Variants in TARS3 observed in about 807,000 individuals in gnomAD.
TARS3 encodes the protein threonyl-tRNA synthetase 3.
TARS3 carries 94 observed loss-of-function variants against 103.5 expected under a neutral mutation model. That is an observed-to-expected ratio of 0.91 (90% CI 0.77 to 1.08). The LOEUF is 1.08. Among genes scored for constraint, TARS3 ranks in the 50% least tolerant of loss-of-function variants. TARS3 has a pLI of 0.00. For missense variants in TARS3, 952 were observed against 995.2 expected (o/e 0.96, Z 0.58); for synonymous variants, 416 against 355.4 (o/e 1.17, Z -1.92).
chr15:101,658,719 T>A (rs1489756298), intron 16 of TARS3, among the ~76,000 whole-genome samples: 1 of 152,240 alleles, frequency 6.6e-6, no homozygotes, highest in Non-Finnish European at 1.5e-5. Context: ...TTCTTGGCTG[T>A]GATATTGTAT....
rs188059422 is a variant in TARS3, at chr15:101,655,085, G to A, written c.2261-355C>T. Among the ~76,000 whole-genome samples the A allele has an allele frequency of 1.2e-4, 18 of 150,152 alleles. No individual in the cohort carries two copies. In the East Asian group the frequency reaches 1.6e-3, roughly 13 times the overall value. On this transcript the variant is annotated intron_variant, in intron 18 of 18. Coordinates refer to ENST00000335968, the MANE Select transcript of TARS3 (RefSeq NM_152334.3). ...CTGGCACTAGGGCGCAAATGAGAGCGGGGAGCTCTTACAGGCTCACACTGA... is the reference window on the plus strand; with the variant it reads ...CTGGCACTAGGGCGCAAATGAGAGCAGGGAGCTCTTACAGGCTCACACTGA...
intron 10 of TARS3, among the ~76,000 whole-genome samples, chr15:101,689,108 C>A (rs1277420361): frequency 6.6e-6 from 1 of 152,168 alleles, no homozygotes; most frequent in Non-Finnish European, 1.5e-5. Context: ...TACTATAGAA[C>A]TGATAGACAG....
At chr15:101,659,123 T>A (rs138897707) in intron 16 of TARS3, among the ~76,000 whole-genome samples, 1,990 of 152,284 alleles carry the variant, frequency 0.013, 38 homozygotes, top group African/African-American at 0.045. Flanking sequence ...CATGCGAACC[T>A]ACAATTATTT....
At chr15:101,680,689 A>G (rs1274954263) in intron 12 of TARS3, among the ~76,000 whole-genome samples, 1 of 152,180 alleles carries the variant, frequency 6.6e-6, no homozygotes, top group Non-Finnish European at 1.5e-5. Flanking sequence ...TTTGTTAAGT[A>G]TTCTGGATTC....
intron 12 of TARS3, 105 bp from the exon 13 acceptor site, chr15:101,675,842 G>T: frequency 8.0e-7 from 1 of 1,249,132 alleles, no homozygotes; most frequent in Admixed American, 2.4e-5. Context: ...GTTTTTAATG[G>T]AGTACAGTTG....
Position 101,654,513 on chromosome 15 carries a change from CAT to C in TARS3, c.*67_*68del. On this transcript the variant is annotated 3_prime_UTR_variant, in exon 19 of 19. Coordinates refer to ENST00000335968, the MANE Select transcript of TARS3 (RefSeq NM_152334.3). ...GGCTCCAAAGTCGTAGAAGTACTAA[CAT>C]GTTAAGAAAAATACATTTTTAAGGG... 6.4e-7 allele frequency: 1 copy of C among 1,553,464 alleles called. No individual in the cohort carries two copies. The highest frequency in any genetic ancestry group is 1.4e-5 in the African/African-American group (1 of 72,242).
At chr15:101,701,064 A>C (rs764493028) in intron 10 of TARS3, 22 bp downstream of exon 10, 1 of 1,431,666 alleles carries the variant, frequency 7.0e-7, no homozygotes, top group African/African-American at 1.4e-5. Flanking sequence ...AATAAGAATA[A>C]AACATTTTAA....
Position 101,695,062 on chromosome 15 carries a change from A to G in TARS3, c.1320+6024T>C, listed in dbSNP as rs1238438865. Among the ~76,000 whole-genome samples, 4 of 152,264 alleles carry G rather than the reference A, an allele frequency of 2.6e-5. No individual in the cohort carries two copies. In the South Asian group the frequency reaches 8.3e-4, roughly 31 times the overall value. On this transcript the variant is annotated intron_variant, in intron 10 of 18. Transcript: ENST00000335968. ...GTGAGAATGAATTGCATACTTAAAAATAGTTAAAATGGTAAATTTTTATAT... is the reference window on the plus strand; with the variant it reads ...GTGAGAATGAATTGCATACTTAAAAGTAGTTAAAATGGTAAATTTTTATAT...
At chr15:101,668,866 C>T (rs1897686670) in intron 15 of TARS3, among the ~76,000 whole-genome samples, 1 of 152,086 alleles carries the variant, frequency 6.6e-6, no homozygotes. Context: ...TATAAAAGGA[C>T]AGTGCATACA....
chr15:101,684,026 A>G (rs747622971), intron 12 of TARS3, 49 bp downstream of exon 12: 3 of 1,568,364 alleles, frequency 1.9e-6, no homozygotes, highest in Non-Finnish European at 1.7e-6. Context: ...TGTGCGGGGC[A>G]TCACACTCAA....
At chr15:101,684,958 G>A (rs914215889) in intron 11 of TARS3, among the ~76,000 whole-genome samples, 1 of 152,176 alleles carries the variant, frequency 6.6e-6, no homozygotes, top group Non-Finnish European at 1.5e-5. Context: ...GTTAACACAA[G>A]TGTTTTACAA....
intron 13 of TARS3, 38 bp downstream of exon 13, chr15:101,675,562 G>C (rs8024223): frequency 6.3e-7 from 1 of 1,589,216 alleles, no homozygotes; most frequent in Non-Finnish European, 8.6e-7. Flanking sequence ...TCTTCCATAC[G>C]ACTAAAATGA....
intron 15 of TARS3, among the ~76,000 whole-genome samples, chr15:101,667,699 T>G (rs1897635374): frequency 6.6e-6 from 1 of 152,122 alleles, no homozygotes; most frequent in South Asian, 2.1e-4. Context: ...GCCTCCCAAG[T>G]AGCTGGGATT....
chr15:101,680,125 A>T (rs1021141892), intron 12 of TARS3, among the ~76,000 whole-genome samples: 3 of 152,198 alleles, frequency 2.0e-5, no homozygotes, highest in Non-Finnish European at 2.9e-5. Context: ...TTAATGCAGG[A>T]GTAAAATTCC....
At chr15:101,677,633 G>A (rs891620805) in intron 12 of TARS3, among the ~76,000 whole-genome samples, 1 of 152,132 alleles carries the variant, frequency 6.6e-6, no homozygotes, top group Non-Finnish European at 1.5e-5. Context: ...TGAGTAGCTG[G>A]GATTACAGGC....
intron 3 of TARS3, among the ~76,000 whole-genome samples, chr15:101,715,467 C>T (rs1051443883): frequency 1.3e-5 from 2 of 152,180 alleles, no homozygotes; most frequent in Non-Finnish European, 2.9e-5. Flanking sequence ...TTAAAAAAAA[C>T]TTGGAAAACT....
At chr15:101,717,570 A>G (rs1900218655) in intron 3 of TARS3, among the ~76,000 whole-genome samples, 1 of 152,222 alleles carries the variant, frequency 6.6e-6, no homozygotes, top group Non-Finnish European at 1.5e-5. Flanking sequence ...AGTCATGTGT[A>G]ACACTTCTGT....
At chr15:101,715,592 A>G (rs117758565) in intron 3 of TARS3, among the ~76,000 whole-genome samples, 41 of 152,326 alleles carry the variant, frequency 2.7e-4, no homozygotes, top group African/African-American at 9.1e-4. Context: ...CCCCACGCAC[A>G]CATATGTGCT....
intron 9 of TARS3, among the ~76,000 whole-genome samples, chr15:101,701,776 A>G (rs1047324711): frequency 6.6e-6 from 1 of 151,994 alleles, no homozygotes; most frequent in Non-Finnish European, 1.5e-5. Flanking sequence ...AATGTAAAAA[A>G]CAACTCTTTT....
Sources: allele counts gnomAD v4.1 joint callset (sites outside exome capture counted in the v4.1 genomes callset), GRCh38; gene constraint gnomAD v4.1.1; transcripts MANE v1.5; gene names NCBI Gene and HGNC (gene_info 2026-07-23, HGNC 2026-07-21).